Variants in TRIM37 observed in about 807,000 individuals in gnomAD.
The protein encoded by TRIM37 is E3 ubiquitin-protein ligase TRIM37.
TRIM37 carries 80 observed loss-of-function variants against 129.8 expected under a neutral mutation model. The ratio of observed to expected loss-of-function variants is 0.62; its 90% CI spans 0.51 to 0.74. The LOEUF is 0.74. Among genes scored for constraint, TRIM37 ranks in the 30% least tolerant of loss-of-function variants. The probability of loss-of-function intolerance (pLI) is 0.00; values close to 1 mark genes in which losing one functional copy is unlikely to be tolerated. For synonymous variants in TRIM37, 389 were observed against 387.1 expected (o/e 1.00, Z -0.06); for missense variants, 1,054 against 1,176.5 (o/e 0.90, Z 1.52).
At chr17:59,094,624 A>C (rs1009994116) in intron 2 of TRIM37, among the ~76,000 whole-genome samples, 5 of 152,116 alleles carry the variant, frequency 3.3e-5, no homozygotes, top group South Asian at 2.1e-4. Flanking sequence ...TAAAAAAAAA[A>C]CAAACTGGCT....
At chr17:58,980,249 A>C, downstream of TRIM37, 4 of 1,614,192 alleles carry the variant, frequency 2.5e-6, no homozygotes, top group Non-Finnish European at 3.4e-6. The surrounding 1 kb of genome is among the most constrained non-coding windows in gnomAD (Gnocchi z 4.7). Flanking sequence ...CAAAGCTGTA[A>C]ATGTTAGTGA....
chr17:58,995,876 G>A (rs1045949967), downstream of TRIM37, among the ~76,000 whole-genome samples: 2 of 151,942 alleles, frequency 1.3e-5, no homozygotes, highest in South Asian at 2.1e-4. Flanking sequence ...GTGTGACTGC[G>A]CATGCCTGTA....
At position 59,106,630 on chromosome 17, in the gene TRIM37, C is replaced by T; in HGVS notation, c.-169G>A. ...GCGCCCCATCTCTTCAGGTCCAGCG[C>T]CGCCTACCCCCATTTCGCCATTTTT... On this transcript the variant is annotated 5_prime_UTR_variant, in exon 1 of 24. Transcript: ENST00000262294. 1 of 743,572 alleles carries T rather than the reference C, an allele frequency of 1.3e-6. No individual in the cohort carries two copies. Among genetic ancestry groups the T allele is most frequent in the Non-Finnish European group, 2.2e-6 (1 of 446,326 alleles). The allele number at this position is 743,572 out of a possible 1,614,324, so 46.1% of individuals were successfully genotyped here.
chr17:59,100,404 C>T (rs1220126294), intron 2 of TRIM37, among the ~76,000 whole-genome samples: 1 of 152,114 alleles, frequency 6.6e-6, no homozygotes, highest in Non-Finnish European at 1.5e-5. Flanking sequence ...CAATGGAATA[C>T]TACTTAGCAA....
chr17:59,038,350 G>A (rs2038786319), intron 17 of TRIM37, among the ~76,000 whole-genome samples: 1 of 152,056 alleles, frequency 6.6e-6, no homozygotes, highest in Non-Finnish European at 1.5e-5. Context: ...ACTTAGTGTT[G>A]TATGTTCCAG....
chr17:58,972,119 A>G, the TRIM37 span: 1 of 1,606,128 alleles, frequency 6.2e-7, no homozygotes, highest in Non-Finnish European at 8.5e-7. Flanking sequence ...AGTTTTATTT[A>G]AACTGTTTTC....
At chr17:58,967,866 C>T in the TRIM37 span, among the ~76,000 whole-genome samples, 2 of 150,892 alleles carry the variant, frequency 1.3e-5, no homozygotes, top group Admixed American at 6.6e-5. Flanking sequence ...TGAAGTGGCG[C>T]GATCTCGACT....
intron 22 of TRIM37, among the ~76,000 whole-genome samples, chr17:59,008,283 T>C (rs2034801929): frequency 6.6e-6 from 1 of 152,214 alleles, no homozygotes. Flanking sequence ...TTCACAGCAA[T>C]TTTTCTTATT....
chr17:59,086,197 T>A (rs1326149277), intron 4 of TRIM37, among the ~76,000 whole-genome samples: 1 of 152,178 alleles, frequency 6.6e-6, no homozygotes, highest in African/African-American at 2.4e-5. Context: ...ATTAAAATGT[T>A]TTAAGTATTC....
intron 23 of TRIM37, among the ~76,000 whole-genome samples, chr17:59,001,071 T>G (rs1298683951): frequency 6.6e-6 from 1 of 151,944 alleles, no homozygotes; most frequent in African/African-American, 2.4e-5. Context: ...GGTGTATACC[T>G]GTAATCCCAG....
At chr17:59,105,017 A>G (rs1249067190) in intron 1 of TRIM37, among the ~76,000 whole-genome samples, 2 of 149,408 alleles carry the variant, frequency 1.3e-5, no homozygotes, top group Non-Finnish European at 3.0e-5. Context: ...GCTTGAACCT[A>G]GGAGGCGGAG....
downstream of TRIM37, among the ~76,000 whole-genome samples, chr17:58,994,695 A>G (rs1359298005): frequency 1.3e-5 from 2 of 152,104 alleles, no homozygotes; most frequent in African/African-American, 4.8e-5. Flanking sequence ...GGAGTCTTGG[A>G]ACCAATCCCT....
intron 7 of TRIM37, among the ~76,000 whole-genome samples, chr17:59,079,277 G>A (rs1049219859): frequency 5.3e-5 from 8 of 152,044 alleles, no homozygotes; most frequent in African/African-American, 1.4e-4. Context: ...AGGAATCTTC[G>A]AAAAGCAAAA....
intron 23 of TRIM37, 93 bp from the exon 24 acceptor site, chr17:58,999,552 ATG>A: frequency 6.6e-6 from 7 of 1,054,836 alleles, no homozygotes. Flanking sequence ...ATCTTACCAA[ATG>A]TGTTATTTAA....
intron 3 of TRIM37, among the ~76,000 whole-genome samples, chr17:59,090,590 TTTTG>T (rs1360051692): frequency 1.3e-5 from 2 of 152,040 alleles, no homozygotes; most frequent in Non-Finnish European, 2.9e-5. Context: ...ATCTGGATTT[TTTTG>T]TTTGTTTTTT....
At position 59,066,750 on chromosome 17, in the gene TRIM37, T is replaced by C. The variant is rs534021299; in HGVS notation, c.810-2345A>G. On this transcript the variant is annotated intron_variant, in intron 9 of 23. Coordinates refer to ENST00000262294, the MANE Select transcript of TRIM37 (RefSeq NM_015294.6). ...ATAGTATAATGACAAATTAGTGGTA[T>C]GGGGCAGCATTAAACAGGATACTTA... is the stretch of plus-strand genomic sequence containing the variant. Among the ~76,000 whole-genome samples the C allele has an allele frequency of 2.6e-5, 4 of 152,326 alleles. No individual in the cohort carries two copies. The South Asian group carries it at 8.3e-4, about 32-fold the overall frequency.
chr17:59,051,549 G>A (rs1326932533), intron 13 of TRIM37, among the ~76,000 whole-genome samples: 24 of 152,062 alleles, frequency 1.6e-4, no homozygotes, highest in Admixed American at 1.6e-3. Context: ...AAATAACATT[G>A]TACATTGTAG....
intron 24 of TRIM37, among the ~76,000 whole-genome samples, chr17:58,993,078 G>C (rs915147656): frequency 6.6e-6 from 1 of 152,158 alleles, no homozygotes; most frequent in African/African-American, 2.4e-5. Context: ...ACTTTCCTGT[G>C]CTGTTTTTGT....
At chr17:59,006,979 G>A (rs979213479) in intron 22 of TRIM37, among the ~76,000 whole-genome samples, 2 of 151,984 alleles carry the variant, frequency 1.3e-5, no homozygotes, top group Non-Finnish European at 2.9e-5. Flanking sequence ...TTGTTGAGGT[G>A]CTTAGAGAAA....
Sources: gnomAD v4.1 joint callset for allele counts (sites outside exome capture counted in the v4.1 genomes callset) on GRCh38, gnomAD v4.1.1 for gene constraint, Gnocchi (gnomAD v3.1) non-coding constraint, MANE v1.5 for transcripts, NCBI Gene and HGNC (gene_info 2026-07-23, HGNC 2026-07-21) for gene names.